Variants in CTBP2 observed in about 807,000 individuals in gnomAD.
CTBP2 encodes C-terminal-binding protein 2.
In CTBP2, 30 loss-of-function variants were observed where a neutral mutation model predicts 80.3. The observed-to-expected ratio is 0.37, with a 90% confidence interval of 0.28 to 0.51. The LOEUF (loss-of-function observed/expected upper bound fraction) is 0.51. Ranked by LOEUF, CTBP2 falls within the 20% of genes least tolerant of loss-of-function variation. The probability of loss-of-function intolerance (pLI) is 0.93; values close to 1 mark genes in which losing one functional copy is unlikely to be tolerated. For synonymous variants in CTBP2, 594 were observed against 587.4 expected (o/e 1.01, Z -0.16); for missense variants, 1,212 against 1,375.3 (o/e 0.88, Z 1.88).
chr10:125,023,909 AG>A (rs1957296197), intron 1 of CTBP2, among the ~76,000 whole-genome samples: 1 of 152,214 alleles, frequency 6.6e-6, no homozygotes, highest in Non-Finnish European at 1.5e-5. Context: ...AACTTCCAGA[AG>A]GGCGTTCCTT....
Position 125,026,478 on chromosome 10 carries a change from T to C in CTBP2, c.1282A>G (p.Thr428Ala). ...TTGGAGGGGAAGTGTGGGGCATGGG[T>C]GCCCACGCCAGGGGCAGAATAGGTG... is the stretch of plus-strand genomic sequence containing the variant. The change falls in exon 1 of 9, where the codon ACC becomes GCC. Residue 428 changes from threonine (T) to alanine (A), a missense_variant. Physicochemically the swap from Thr to Ala is moderately conservative, Grantham distance 58. Coordinates refer to ENST00000309035, the MANE Select transcript of CTBP2 (RefSeq NM_022802.3). The C allele has an allele frequency of 6.2e-7, 1 of 1,600,152 alleles. No individual in the cohort carries two copies. Among genetic ancestry groups the C allele is most frequent in the Non-Finnish European group, 8.5e-7 (1 of 1,170,668 alleles).
At chr10:125,046,709 C>T (rs574061381) in intron 2 of CTBP2, among the ~76,000 whole-genome samples, 17 of 152,174 alleles carry the variant, frequency 1.1e-4, no homozygotes, top group African/African-American at 4.1e-4. Context: ...AAGAAATGTA[C>T]ACAGCAAGTC....
chr10:125,021,244 C>G (rs573045197), intron 1 of CTBP2, among the ~76,000 whole-genome samples: 2 of 152,336 alleles, frequency 1.3e-5, no homozygotes, highest in South Asian at 4.1e-4. Flanking sequence ...CAAGCCCTCT[C>G]TTCCTTCTCT....
intron 2 of CTBP2, among the ~76,000 whole-genome samples, chr10:125,084,347 T>C (rs1360249748): frequency 1.3e-5 from 2 of 152,156 alleles, no homozygotes; most frequent in Non-Finnish European, 2.9e-5. Flanking sequence ...GGTCCAGTCA[T>C]CCTTCTATTT....
chr10:125,108,618 C>A (rs1474837459), intron 2 of CTBP2, among the ~76,000 whole-genome samples: 2 of 149,638 alleles, frequency 1.3e-5, no homozygotes, highest in East Asian at 4.0e-4. Context: ...CAGAAAGGGT[C>A]TGAGAGCAAA....
At chr10:125,106,909 C>T (rs1851547889) in intron 2 of CTBP2, among the ~76,000 whole-genome samples, 1 of 152,200 alleles carries the variant, frequency 6.6e-6, no homozygotes, top group African/African-American at 2.4e-5. Context: ...CCTGTGTGAC[C>T]CTGGACCCAT....
intron 3 of CTBP2, among the ~76,000 whole-genome samples, chr10:125,035,618 T>C (rs1053159969): frequency 6.6e-6 from 1 of 152,180 alleles, no homozygotes; most frequent in Non-Finnish European, 1.5e-5. Context: ...ACAACAGCCA[T>C]TGTGGTTTAT....
chr10:125,039,383 G>A (rs540519757), intron 2 of CTBP2, among the ~76,000 whole-genome samples: 21 of 152,342 alleles, frequency 1.4e-4, no homozygotes, highest in Admixed American at 3.3e-4. Context: ...CAAGACAATC[G>A]TCAGTTATTT....
At position 125,141,395 on chromosome 10, in the gene CTBP2, C is replaced by T. The variant is rs528508786; in HGVS notation, c.-206+18924G>A. Among the ~76,000 whole-genome samples, 45 of 152,282 alleles carry T rather than the reference C, an allele frequency of 3.0e-4. 1 individual carries two copies. In the South Asian group the frequency reaches 5.6e-3, roughly 19 times the overall value. On this transcript the variant is annotated intron_variant, in intron 1 of 10. Coordinates refer to the CTBP2 transcript ENST00000337195. ...GACTGCAAGCATGGCCATCTACCCT[C>T]GGGGCCGGCACCAGCCTCGGGGCAG... is the stretch of plus-strand genomic sequence containing the variant.
chr10:125,102,739 C>G (rs899482160), intron 2 of CTBP2, among the ~76,000 whole-genome samples: 2 of 152,186 alleles, frequency 1.3e-5, no homozygotes, highest in African/African-American at 4.8e-5. Context: ...GCAGGAAACA[C>G]CAGCTTCCAG....
intron 8 of CTBP2, among the ~76,000 whole-genome samples, chr10:124,990,143 A>G (rs1487328040): frequency 1.3e-5 from 2 of 150,946 alleles, no homozygotes; most frequent in East Asian, 3.9e-4. Context: ...CTCCTGGGTT[A>G]AAGTGATTCT....
intron 2 of CTBP2, among the ~76,000 whole-genome samples, chr10:125,108,294 A>T (rs1482340817): frequency 6.6e-6 from 1 of 152,220 alleles, no homozygotes; most frequent in Admixed American, 6.5e-5. Context: ...GCACAACAGG[A>T]ATGGGATGCT....
In CTBP2 at chr10:125,090,764, AT is replaced by A. The variant is rs201964844; in HGVS notation, c.-102+20225del. ...GCAAGATCTTGTCTCAAAAAAAAAA[AT>A]AAATAAATAACAAAACAAAACAAAA... On this transcript the variant is annotated intron_variant, in intron 2 of 10. Coordinates refer to the CTBP2 transcript ENST00000337195. 4.3e-3 allele frequency among the ~76,000 whole-genome samples: 653 copies of A among 151,940 alleles called. 3 individuals carry two copies. The highest frequency in any genetic ancestry group is 0.015 in the African/African-American group (627 of 41,298).
chr10:125,020,530 C>T lies in CTBP2; in HGVS notation c.1678+5552G>A, dbSNP rs548569772. ...AGAAGAGGGTCTGGTGACTGGAACG[C>T]GGGCAGAGCTGGCCAAGGTCCCAGC... On this transcript the variant is annotated intron_variant, in intron 1 of 8. Coordinates refer to ENST00000309035, the MANE Select transcript of CTBP2 (RefSeq NM_022802.3). Among the ~76,000 whole-genome samples, 32 of 152,308 alleles carry T rather than the reference C, an allele frequency of 2.1e-4. No individual in the cohort carries two copies. The South Asian group carries it at 2.5e-3, about 12-fold the overall frequency.
At chr10:125,109,773 G>C (rs908755603) in intron 2 of CTBP2, among the ~76,000 whole-genome samples, 1 of 152,228 alleles carries the variant, frequency 6.6e-6, no homozygotes, top group Admixed American at 6.5e-5. Flanking sequence ...TTAAAGGGTG[G>C]GGAGGGTCCT....
intron 1 of CTBP2, among the ~76,000 whole-genome samples, chr10:125,025,702 A>G (rs1032913130): frequency 6.6e-6 from 1 of 152,230 alleles, no homozygotes; most frequent in African/African-American, 2.4e-5. Flanking sequence ...TGCCTTCTCC[A>G]AAGTTCCCTA....
intron 1 of CTBP2, among the ~76,000 whole-genome samples, chr10:125,142,317 G>A (rs1857972370): frequency 6.6e-6 from 1 of 152,164 alleles, no homozygotes; most frequent in Admixed American, 6.5e-5. Context: ...GCTGTGACCA[G>A]AGCACCCCTG....
In CTBP2 at chr10:125,027,371, G is replaced by A. The variant is rs1339299382; in HGVS notation, c.389C>T (p.Pro130Leu). The A allele has an allele frequency of 1.2e-6, 2 of 1,613,522 alleles. No homozygotes were observed. Among genetic ancestry groups the A allele is most frequent in the Non-Finnish European group, 1.7e-6 (2 of 1,180,010 alleles). ...GCTGGGGACCGGCCGGCTGACTCCT[G>A]GGTCCCGATAGAGGGGAGGCTCTTT... The change falls in exon 1 of 9, where the codon CCA becomes CTA. Residue 130 changes from proline (P) to leucine (L), a missense_variant. By Grantham distance (98) the Pro-to-Leu change is moderately conservative. Coordinates refer to ENST00000309035, the MANE Select transcript of CTBP2 (RefSeq NM_022802.3).
chr10:124,987,833 A>T lies in CTBP2; in HGVS notation c.*1685T>A, dbSNP rs994561104. ...TTTCATACCTGGAATTGTTGGACTTAATTGACACTTGCAAATACTTTTAGT... is the reference window on the plus strand; with the variant it reads ...TTTCATACCTGGAATTGTTGGACTTTATTGACACTTGCAAATACTTTTAGT... On this transcript the variant is annotated 3_prime_UTR_variant, in exon 9 of 9. Coordinates refer to ENST00000309035, the MANE Select transcript of CTBP2 (RefSeq NM_022802.3). The T allele has an allele frequency of 6.6e-6, 1 of 152,232 alleles. No individual in the cohort carries two copies. Among genetic ancestry groups the T allele is most frequent in the African/African-American group, 2.4e-5 (1 of 41,458 alleles). The allele number at this position is 152,232 out of a possible 1,614,324, so 9.4% of individuals were successfully genotyped here.
Sources: allele counts gnomAD v4.1 joint callset (sites outside exome capture counted in the v4.1 genomes callset), GRCh38; gene constraint gnomAD v4.1.1; transcripts MANE v1.5; gene names NCBI Gene and HGNC (gene_info 2026-07-23, HGNC 2026-07-21).